The following PML variants were observed in gnomAD, a reference collection of about 807,000 sequenced individuals.
PML encodes the protein protein PML.
PML carries 28 observed loss-of-function variants against 65.2 expected under a neutral mutation model. That is an observed-to-expected ratio of 0.43 (90% CI 0.32 to 0.59). The LOEUF is 0.59. Ranked by LOEUF, PML falls within the 20% of genes least tolerant of loss-of-function variation. PML has a pLI of 0.08. For missense variants in PML, 1,021 were observed against 1,203.4 expected (o/e 0.85, Z 2.24); for synonymous variants, 500 against 508.8 (o/e 0.98, Z 0.23).
intron 2 of PML, among the ~76,000 whole-genome samples, chr15:74,007,370 G>T (rs769302436): frequency 6.6e-6 from 1 of 152,212 alleles, no homozygotes; most frequent in African/African-American, 2.4e-5. Context: ...GGCAGGGAAG[G>T]TTCAGCCAGC....
chr15:74,013,832 AAACT>A (rs1479779043), intron 2 of PML, among the ~76,000 whole-genome samples: 3 of 152,252 alleles, frequency 2.0e-5, no homozygotes, highest in African/African-American at 7.2e-5. Context: ...TTTATGTGAT[AAACT>A]CTGTCTTATT....
rs1277379691 is a variant in PML at position 74,045,910 on chromosome 15, T to C, written c.*902T>C. 3 of 232,098 alleles carry C rather than the reference T, an allele frequency of 1.3e-5. No individual in the cohort carries two copies. The highest frequency in any genetic ancestry group is 1.2e-4 in the East Asian group (2 of 16,478). 14.4% of individuals were successfully genotyped at this position (232,098 alleles called of 1,614,324 possible). On this transcript the variant is annotated 3_prime_UTR_variant, in exon 9 of 9. Coordinates refer to ENST00000268058, the MANE Select transcript of PML (RefSeq NM_033238.3). ...GAATCTTCAGGGTGGGGCCCAGCAGTCTGTGTTTTAACAGGTTCTCCCGGT... is the reference window on the plus strand; with the variant it reads ...GAATCTTCAGGGTGGGGCCCAGCAGCCTGTGTTTTAACAGGTTCTCCCGGT...
chr15:74,013,946 A>G (rs1043168322), intron 2 of PML, among the ~76,000 whole-genome samples: 6 of 152,210 alleles, frequency 3.9e-5, no homozygotes, highest in East Asian at 1.9e-4. Context: ...ATGAAAGTCA[A>G]TGAATTTCCC....
chr15:74,033,433 C>G lies in PML; in HGVS notation c.1657+19C>G. The G allele has an allele frequency of 6.2e-7, 1 of 1,612,076 alleles. No homozygotes were observed. The highest frequency in any genetic ancestry group is 8.5e-7 in the Non-Finnish European group (1 of 1,179,738). On this transcript the variant is annotated intron_variant, in intron 6 of 8. Transcript: ENST00000268058. ...GAGGCAGGTAGGGAGGTGGGTAGGGCAGTGGCCTGGGTGCTGCCCGCCAGG... is the reference window on the plus strand; with the variant it reads ...GAGGCAGGTAGGGAGGTGGGTAGGGGAGTGGCCTGGGTGCTGCCCGCCAGG...
At chr15:74,008,408 C>T (rs2070164189) in intron 2 of PML, among the ~76,000 whole-genome samples, 1 of 152,316 alleles carries the variant, frequency 6.6e-6, no homozygotes, top group African/African-American at 2.4e-5. Flanking sequence ...CTCTGGAAGA[C>T]AATGGGAATG....
At chr15:74,028,898 C>T (rs1041222263) in intron 4 of PML, among the ~76,000 whole-genome samples, 13 of 152,208 alleles carry the variant, frequency 8.5e-5, no homozygotes, top group African/African-American at 2.7e-4. Context: ...TTGATCCATT[C>T]GTCTGTTGGA....
chr15:74,042,529 A>G lies in PML; in HGVS notation c.1711-460A>G. 1 of 985,460 alleles carries G rather than the reference A, an allele frequency of 1.0e-6. No individual in the cohort carries two copies. Among genetic ancestry groups the G allele is most frequent in the Non-Finnish European group, 1.2e-6 (1 of 829,930 alleles). 61.0% of individuals were successfully genotyped at this position (985,460 alleles called of 1,614,324 possible). On this transcript the variant is annotated intron_variant, in intron 7 of 8. Transcript: ENST00000268058. The surrounding 1 kb of genome is among the most constrained non-coding windows in gnomAD (Gnocchi z 5.3). ...CAGAAAGATGAAATTAGGAGCAGACATCTCAGGTCCTGCCTGCCATAGCAG... is the reference window on the plus strand; with the variant it reads ...CAGAAAGATGAAATTAGGAGCAGACGTCTCAGGTCCTGCCTGCCATAGCAG...
At chr15:73,996,580 A>T (rs2069524017) in intron 1 of PML, among the ~76,000 whole-genome samples, 1 of 152,262 alleles carries the variant, frequency 6.6e-6, no homozygotes, top group Admixed American at 6.5e-5. Context: ...GCCCTCTTTT[A>T]ATATAGATCA....
intron 2 of PML, among the ~76,000 whole-genome samples, chr15:74,006,545 A>T (rs776348884): frequency 6.6e-6 from 1 of 152,190 alleles, no homozygotes; most frequent in Non-Finnish European, 1.5e-5. Flanking sequence ...CTTACATAGC[A>T]TCTTAATGAA....
At chr15:74,016,792 CT>C (rs535665071) in intron 2 of PML, among the ~76,000 whole-genome samples, 29 of 77,648 alleles carry the variant, frequency 3.7e-4, no homozygotes, top group South Asian at 1.6e-3. Flanking sequence ...GCAGTGGCAT[CT>C]TTTTTTTTTT....
In PML at chr15:73,994,732, C is replaced by T. The variant is rs2069384906; in HGVS notation, c.-81C>T. The T allele has an allele frequency of 2.0e-6, 3 of 1,470,370 alleles. No individual in the cohort carries two copies. The highest frequency in any genetic ancestry group is 3.9e-5 in the Admixed American group (2 of 50,880). 91.1% of individuals were successfully genotyped at this position (1,470,370 alleles called of 1,614,324 possible). ...CTTTCGGACAGCTCAAGGGACTCAGCCAACTGGCTCACGCCTCCCCTTCAG... is the reference window on the plus strand; with the variant it reads ...CTTTCGGACAGCTCAAGGGACTCAGTCAACTGGCTCACGCCTCCCCTTCAG... On this transcript the variant is annotated 5_prime_UTR_variant, in exon 1 of 9. Transcript: ENST00000268058.
intron 7 of PML, chr15:74,034,823 A>T: frequency 7.0e-7 from 1 of 1,436,942 alleles, no homozygotes; most frequent in South Asian, 1.5e-5. Flanking sequence ...GAGCTTCCTT[A>T]TGCATTTTCT....
chr15:74,003,672 A>G (rs977789285), intron 2 of PML, among the ~76,000 whole-genome samples: 1 of 151,968 alleles, frequency 6.6e-6, no homozygotes, highest in African/African-American at 2.4e-5. Flanking sequence ...TTTTGTAAAC[A>G]TCCTTTCTGA....
Position 74,035,470 on chromosome 15 carries a change from A to G in PML, c.1710+940A>G, listed in dbSNP as rs139031068. ...GCACAGAGAGCCATCCGCCTTCGCC[A>G]TGCCCTCCGCTTGCACCCTCAATTG... On this transcript the variant is annotated intron_variant, in intron 7 of 8. Coordinates refer to ENST00000268058, the MANE Select transcript of PML (RefSeq NM_033238.3). This position sits in a 1 kb window ranked among gnomAD's most constrained non-coding sequence, Gnocchi z 4.1. 16 of 1,612,366 alleles carry G rather than the reference A, an allele frequency of 9.9e-6. No individual in the cohort carries two copies. The African/African-American group carries it at 1.9e-4, about 19-fold the overall frequency.
chr15:74,021,585 C>CA (rs36056165), intron 2 of PML, among the ~76,000 whole-genome samples: 6,495 of 146,286 alleles, frequency 0.044, 225 homozygotes, highest in East Asian at 0.19. Flanking sequence ...AACTCCATCT[C>CA]AAAAAAAAAA....
Position 74,023,200 on chromosome 15 carries a change from C to T in PML, c.975C>T (p.Arg325=), listed in dbSNP as rs142180894. The change falls in exon 3 of 9, where the codon CGC becomes CGT. Residue 325 remains arginine (R), a synonymous_variant. Transcript: ENST00000268058. ...RLGRLDAVLQ[R]IRTGSALVQR... ...GCCGCCTGGATGCTGTGCTGCAGCG[C>T]ATCCGCACGGGCAGCGCGCTGGTGC... is the stretch of plus-strand genomic sequence containing the variant. The T allele has an allele frequency of 5.0e-5, 81 of 1,608,590 alleles. No homozygotes were observed. Among genetic ancestry groups the T allele is most frequent in the Non-Finnish European group, 6.8e-5 (80 of 1,178,112 alleles).
chr15:74,038,617 G>A (rs931426125), intron 7 of PML, among the ~76,000 whole-genome samples: 13 of 152,052 alleles, frequency 8.5e-5, no homozygotes, highest in African/African-American at 3.1e-4. Context: ...GGTGCCCCCA[G>A]AGTACACCCA....
chr15:74,008,582 CAA>C (rs1163269445), intron 2 of PML, among the ~76,000 whole-genome samples: 1 of 151,804 alleles, frequency 6.6e-6, no homozygotes, highest in Admixed American at 6.6e-5. Context: ...ACTAAAAATA[CAA>C]AAAAATTAGC....
chr15:74,035,459 C>A lies in PML; in HGVS notation c.1710+929C>A, dbSNP rs1407465743. 1 of 1,612,424 alleles carries A rather than the reference C, an allele frequency of 6.2e-7. No homozygotes were observed. Among genetic ancestry groups the A allele is most frequent in the South Asian group, 1.1e-5 (1 of 91,084 alleles). On this transcript the variant is annotated intron_variant, in intron 7 of 8. Coordinates refer to ENST00000268058, the MANE Select transcript of PML (RefSeq NM_033238.3). The surrounding 1 kb of genome is among the most constrained non-coding windows in gnomAD (Gnocchi z 4.1). ...TGTTGTACAGAGCACAGAGAGCCATCCGCCTTCGCCATGCCCTCCGCTTGC... is the reference window on the plus strand; with the variant it reads ...TGTTGTACAGAGCACAGAGAGCCATACGCCTTCGCCATGCCCTCCGCTTGC...
Sources: allele counts gnomAD v4.1 joint callset (sites outside exome capture counted in the v4.1 genomes callset), GRCh38; gene constraint gnomAD v4.1.1; non-coding constraint Gnocchi (gnomAD v3.1); transcripts MANE v1.5; gene names NCBI Gene and HGNC (gene_info 2026-07-23, HGNC 2026-07-21).